Variants in ARHGAP5 observed in about 807,000 individuals in gnomAD.
ARHGAP5 encodes Rho GTPase activating protein 5, also known as rho GTPase-activating protein 5.
Under a neutral mutation model 116.6 loss-of-function variants are expected in ARHGAP5, and 23 were observed. The observed-to-expected ratio is 0.20, with a 90% CI of 0.14 to 0.28. The LOEUF is 0.28. ARHGAP5 is among the 10% of genes least tolerant of loss of function. The pLI is 1.00. For missense variants in ARHGAP5, 1,405 were observed against 1,774.8 expected (o/e 0.79, Z 3.74); for synonymous variants, 574 against 602.0 (o/e 0.95, Z 0.68).
chr14:32,109,089 A>G (rs1222972095), intron 2 of ARHGAP5, among the ~76,000 whole-genome samples: 1 of 152,174 alleles, frequency 6.6e-6, no homozygotes, highest in African/African-American at 2.4e-5. Flanking sequence ...AGCAACTCCA[A>G]TGTTAATACT....
At chr14:32,150,774 A>G (rs1334091930) in intron 5 of ARHGAP5, among the ~76,000 whole-genome samples, 1 of 152,248 alleles carries the variant, frequency 6.6e-6, no homozygotes. Context: ...CATTCAAACC[A>G]TAGCAGACCA....
intron 6 of ARHGAP5, among the ~76,000 whole-genome samples, chr14:32,153,313 G>T (rs188250515): frequency 1.4e-5 from 2 of 145,834 alleles, no homozygotes; most frequent in Non-Finnish European, 3.0e-5. Context: ...GGCTTGGGGC[G>T]GGAGAATTGC....
intron 1 of ARHGAP5, among the ~76,000 whole-genome samples, chr14:32,078,883 T>C (rs1207132503): frequency 6.6e-6 from 1 of 152,250 alleles, no homozygotes; most frequent in Non-Finnish European, 1.5e-5. Context: ...GGTATTCTTA[T>C]TCAGTGTTTG....
At chr14:32,134,242 T>C (rs966531909) in intron 3 of ARHGAP5, among the ~76,000 whole-genome samples, 10 of 152,208 alleles carry the variant, frequency 6.6e-5, no homozygotes, top group Non-Finnish European at 7.3e-5. Flanking sequence ...AGCCTTTTTT[T>C]GCAGAATATT....
At chr14:32,105,073 A>G (rs1200074782) in intron 2 of ARHGAP5, among the ~76,000 whole-genome samples, 1 of 152,194 alleles carries the variant, frequency 6.6e-6, no homozygotes, top group Non-Finnish European at 1.5e-5. Flanking sequence ...TACAGCCCAA[A>G]GTGCCAATAA....
chr14:32,134,278 A>G (rs1880669177), intron 3 of ARHGAP5, among the ~76,000 whole-genome samples: 1 of 152,240 alleles, frequency 6.6e-6, no homozygotes, highest in South Asian at 2.1e-4. Flanking sequence ...ACTAGAAAGT[A>G]GTGACACATT....
At chr14:32,104,214 G>A (rs529759162) in intron 2 of ARHGAP5, among the ~76,000 whole-genome samples, 2 of 152,286 alleles carry the variant, frequency 1.3e-5, no homozygotes, top group Non-Finnish European at 1.5e-5. Context: ...TGAATAGTTA[G>A]TTGCTTTGCT....
chr14:32,149,063 T>A (rs1881521602), intron 4 of ARHGAP5, among the ~76,000 whole-genome samples: 1 of 152,184 alleles, frequency 6.6e-6, no homozygotes, highest in Admixed American at 6.5e-5. Flanking sequence ...TTTCAAATTT[T>A]GGAGTATGTG....
At chr14:32,138,076 A>G (rs972053734) in intron 3 of ARHGAP5, among the ~76,000 whole-genome samples, 7 of 151,458 alleles carry the variant, frequency 4.6e-5, no homozygotes, top group African/African-American at 1.5e-4. Flanking sequence ...TGTCATTTTC[A>G]TTGTACAAGT....
At position 32,094,113 on chromosome 14, in the gene ARHGAP5, G is replaced by A. The variant is rs139011417; in HGVS notation, c.3444G>A (p.Arg1148=). Reference sequence around the variant, plus strand: ...GAACCTCAAAAAGTCATGGGGAACGGAGGCCTTCAAAATACAAATATAAAT... The same window carrying A: ...GAACCTCAAAAAGTCATGGGGAACGAAGGCCTTCAAAATACAAATATAAAT... ...SDRTSKSHGE[R]RPSKYKYKSK... is the part of the protein sequence containing the mutation. The change falls in exon 2 of 7, where the codon CGG becomes CGA. Residue 1148 remains arginine, a synonymous_variant. Transcript: ENST00000345122. 1.1e-4 allele frequency: 170 copies of A among 1,614,064 alleles called. 2 individuals carry two copies. In the African/African-American group the frequency reaches 1.8e-3, roughly 17 times the overall value.
chr14:32,109,155 T>C (rs903253962), intron 2 of ARHGAP5, among the ~76,000 whole-genome samples: 1 of 152,164 alleles, frequency 6.6e-6, no homozygotes, highest in Admixed American at 6.5e-5. Flanking sequence ...TTTGTTTAAA[T>C]GGCATGTGGT....
At position 32,106,070 on chromosome 14, in the gene ARHGAP5, T is replaced by G. The variant is rs138694367; in HGVS notation, c.3718-11070T>G. On this transcript the variant is annotated intron_variant, in intron 2 of 6. Coordinates refer to ENST00000345122, the MANE Select transcript of ARHGAP5 (RefSeq NM_001030055.2). Reference sequence around the variant, plus strand: ...TCTTGAATAAAGTTGTCATGAACATTCGAATACAGGATAAGAAACTGCCAA... The same window carrying G: ...TCTTGAATAAAGTTGTCATGAACATGCGAATACAGGATAAGAAACTGCCAA... Among the ~76,000 whole-genome samples the G allele has an allele frequency of 8.4e-3, 1,283 of 152,302 alleles. 11 individuals are homozygous for G. The highest frequency in any genetic ancestry group is 0.023 in the African/African-American group (959 of 41,566).
At chr14:32,132,317 G>T (rs1158787800) in intron 3 of ARHGAP5, among the ~76,000 whole-genome samples, 3 of 152,152 alleles carry the variant, frequency 2.0e-5, no homozygotes, top group Non-Finnish European at 4.4e-5. Context: ...GTTTTGATTT[G>T]CATTTCTCTG....
intron 3 of ARHGAP5, among the ~76,000 whole-genome samples, chr14:32,125,094 CCACCT>C (rs1237198649): frequency 6.6e-6 from 1 of 152,136 alleles, no homozygotes; most frequent in Non-Finnish European, 1.5e-5. Context: ...TGGATAACCA[CCACCT>C]CATCTAGTTC....
intron 1 of ARHGAP5, among the ~76,000 whole-genome samples, chr14:32,089,412 C>G (rs2041862642): frequency 6.6e-6 from 1 of 151,348 alleles, no homozygotes; most frequent in African/African-American, 2.4e-5. Context: ...GTGATTTTTT[C>G]CTATCTTATG....
At chr14:32,099,114 G>A (rs983480575) in intron 2 of ARHGAP5, among the ~76,000 whole-genome samples, 2 of 152,162 alleles carry the variant, frequency 1.3e-5, no homozygotes, top group Non-Finnish European at 2.9e-5. Flanking sequence ...TTGCATATGG[G>A]GAGGTGAGGA....
chr14:32,134,318 A>G (rs1045254599), intron 3 of ARHGAP5, among the ~76,000 whole-genome samples: 1 of 152,210 alleles, frequency 6.6e-6, no homozygotes, highest in Non-Finnish European at 1.5e-5. Flanking sequence ...TTATCATAAT[A>G]TATGTATCCC....
intron 2 of ARHGAP5, among the ~76,000 whole-genome samples, chr14:32,098,666 T>G (rs1878646758): frequency 6.6e-6 from 1 of 152,216 alleles, no homozygotes; most frequent in South Asian, 2.1e-4. Flanking sequence ...TCTGTTATAC[T>G]ATGAAAGCAG....
intron 2 of ARHGAP5, among the ~76,000 whole-genome samples, chr14:32,111,069 T>C (rs1484981784): frequency 6.6e-6 from 1 of 152,166 alleles, no homozygotes; most frequent in Non-Finnish European, 1.5e-5. Context: ...TATCAGCATA[T>C]AGATGATGTT....
Sources: gnomAD v4.1 joint callset for allele counts (sites outside exome capture counted in the v4.1 genomes callset) on GRCh38, gnomAD v4.1.1 for gene constraint, MANE v1.5 for transcripts, NCBI Gene and HGNC (gene_info 2026-07-23, HGNC 2026-07-21) for gene names.